THG1L: variants seen among roughly 807,000 people sequenced by gnomAD.
THG1L encodes probable tRNA(His) guanylyltransferase.
THG1L carries 27 observed loss-of-function variants against 35.2 expected under a neutral mutation model. That is an observed-to-expected ratio of 0.77 (90% CI 0.57 to 1.06). The LOEUF is 1.06. Ranked by LOEUF, THG1L falls within the 50% of genes least tolerant of loss-of-function variation. The pLI is 0.00. For missense variants in THG1L, 377 were observed against 371.8 expected, an observed-to-expected ratio of 1.01 and a Z score of -0.12; for synonymous variants, 135 against 132.4, an observed-to-expected ratio of 1.02 and a Z score of -0.14.
At position 157,732,243 on chromosome 5, in the gene THG1L, AAGAG is replaced by A. The variant is rs1289202010; in HGVS notation, c.192-611_192-608del. Among the ~76,000 whole-genome samples, 556 of 90,438 alleles carry A rather than the reference AAGAG, an allele frequency of 6.1e-3. 3 individuals carry two copies. Among genetic ancestry groups the A allele is most frequent in the African/African-American group, 7.5e-3 (162 of 21,724 alleles). 59.3% of individuals were successfully genotyped at this position (90,438 alleles called of 152,430 possible). On this transcript the variant is annotated intron_variant, in intron 1 of 5. Coordinates refer to ENST00000231198, the MANE Select transcript of THG1L (RefSeq NM_017872.5). Reference sequence around the variant, plus strand: ...AAAAAAAAAAAAAAAAAAAAAAAAAAAGAGAGAGAGAGAGAGAAAGAAGGAAGAG... The same window carrying A: ...AAAAAAAAAAAAAAAAAAAAAAAAAAAGAGAGAGAGAGAAAGAAGGAAGAG...
rs1262448811 is a variant in THG1L at position 157,731,633 on chromosome 5, T to C, written c.191+2T>C. 6.3e-7 allele frequency: 1 copy of C among 1,594,492 alleles called. No individual in the cohort carries two copies. Among genetic ancestry groups the C allele is most frequent in the Non-Finnish European group, 8.6e-7 (1 of 1,168,158 alleles). On this transcript the variant is annotated splice_donor_variant, in intron 1 of 5. Transcript: ENST00000231198. LOFTEE classifies it high-confidence loss of function. ...GCTGGACGGCCGGAATTTCCATCGG[T>C]GAGCGAGCTCGACTCGGGGCGTCGC...
At position 157,739,486 on chromosome 5, in the gene THG1L, T is replaced by G. The variant is rs1178357429; in HGVS notation, c.*4T>G. ...GATTCTAGATGAAGACAGCTGACCC[T>G]TTTGCGCTTCAGTTCTGGTGTGCTT... On this transcript the variant is annotated 3_prime_UTR_variant, in exon 6 of 6. Transcript: ENST00000231198. 1.2e-6 allele frequency: 2 copies of G among 1,608,954 alleles called. No individual in the cohort carries two copies. The highest frequency in any genetic ancestry group is 1.7e-6 in the Non-Finnish European group (2 of 1,177,678).
At position 157,739,431 on chromosome 5, in the gene THG1L, C is replaced by T. The variant is rs201232624; in HGVS notation, c.846C>T (p.Ile282=). 87 of 1,613,540 alleles carry T rather than the reference C, an allele frequency of 5.4e-5. No homozygotes were observed. In the East Asian group the frequency reaches 1.4e-3, roughly 25 times the overall value. The change falls in exon 6 of 6, where the codon ATC becomes ATT. Residue 282 remains isoleucine, a synonymous_variant. Transcript: ENST00000231198. ...CAGTGCCCTTGCACTGCGATATCATCGGGGATGCTTTCTGGAAGGAACATC... is the reference window on the plus strand; with the variant it reads ...CAGTGCCCTTGCACTGCGATATCATTGGGGATGCTTTCTGGAAGGAACATC... ...TKPVPLHCDI[I]GDAFWKEHPE...
At position 157,737,994 on chromosome 5, in the gene THG1L, G is replaced by A. The variant is rs760867833; in HGVS notation, c.735G>A (p.Lys245=). The stretch of plus-strand genomic sequence containing the variant: ...AAGGGACTGTGTTGATATGGCAGAA[G>A]GTAATGCTGTTATGTTCAAAGAAAA... The part of the protein sequence containing the change: ...YRKGTVLIWQ[K]VDEVMTKEIK... Residue 245 remains lysine, a splice_region_variant and synonymous_variant, in exon 5 of 6, where the codon AAG becomes AAA. Coordinates refer to ENST00000231198, the MANE Select transcript of THG1L (RefSeq NM_017872.5). The A allele has an allele frequency of 1.2e-6, 2 of 1,606,342 alleles. No individual in the cohort carries two copies. Among genetic ancestry groups the A allele is most frequent in the Non-Finnish European group, 8.5e-7 (1 of 1,174,590 alleles).
In THG1L at chr5:157,731,551, C is replaced by T. The variant is rs1252706980; in HGVS notation, c.111C>T (p.Tyr37=). 6.2e-7 allele frequency: 1 copy of T among 1,612,452 alleles called. No homozygotes were observed. The highest frequency in any genetic ancestry group is 1.1e-5 in the South Asian group (1 of 90,658). ...GATMAKSKFE[Y]VRDFEADDTC... Reference sequence around the variant, plus strand: ...CCATGGCAAAAAGCAAGTTCGAGTACGTGAGGGACTTCGAGGCTGACGACA... The same window carrying T: ...CCATGGCAAAAAGCAAGTTCGAGTATGTGAGGGACTTCGAGGCTGACGACA... The change falls in exon 1 of 6, where the codon TAC becomes TAT. Residue 37 remains tyrosine (Y), a synonymous_variant. Transcript: ENST00000231198.
At chr5:157,738,662 C>T (rs1237196715) in intron 5 of THG1L, 1 of 434,692 alleles carries the variant, frequency 2.3e-6, no homozygotes, top group South Asian at 1.7e-5. Context: ...CCACTGGCAA[C>T]TCCAGCTCTT....
intron 2 of THG1L, 80 bp downstream of exon 2, chr5:157,733,124 A>G (rs1017998684): frequency 1.2e-5 from 18 of 1,524,784 alleles, no homozygotes; most frequent in South Asian, 9.6e-5. Flanking sequence ...TCGCAGACTT[A>G]CAGGCTACAG....
Position 157,732,911 on chromosome 5 carries a change from G to A in THG1L, c.235G>A (p.Ala79Thr), listed in dbSNP as rs763184453. ...CTTTGCAAAACCCAATGACAGCCGT[G>A]CTCTCCAGCTGATGACCAAATGTGC... ...HNFAKPNDSR[A>T]LQLMTKCAQT... Residue 79 changes from alanine to threonine, a missense_variant, in exon 2 of 6, where the codon GCT becomes ACT. Physicochemically the swap from Ala to Thr is moderately conservative, Grantham distance 58. Transcript: ENST00000231198. 1 of 1,614,224 alleles carries A rather than the reference G, an allele frequency of 6.2e-7. No individual in the cohort carries two copies. The highest frequency in any genetic ancestry group is 8.5e-7 in the Non-Finnish European group (1 of 1,180,040).
chr5:157,734,000 C>G (rs751636920), intron 2 of THG1L, among the ~76,000 whole-genome samples: 1 of 152,036 alleles, frequency 6.6e-6, no homozygotes, highest in African/African-American at 2.4e-5. Context: ...TAAAAATACC[C>G]CTTGAATCAT....
rs1217050628 is a variant in THG1L, at chr5:157,734,599, C to T, written c.392C>T (p.Ser131Phe). The change falls in exon 3 of 6, where the codon TCC becomes TTC. Residue 131 changes from serine (S) to phenylalanine (F), a missense_variant. Transcript: ENST00000231198. ...AGTAAGTTCATGACTCACGTGGCCT[C>T]CCAGTTTGCCTCCAGCTATGTGTTT... The part of the protein sequence containing the change: ...RASKFMTHVA[S>F]QFASSYVFYW... 1.2e-6 allele frequency: 2 copies of T among 1,614,144 alleles called. No homozygotes were observed. The highest frequency in any genetic ancestry group is 3.3e-5 in the Admixed American group (2 of 60,018).
At position 157,731,609 on chromosome 5, in the gene THG1L, C is replaced by T. The variant is rs766407640; in HGVS notation, c.169C>T (p.Leu57=). ...CLAHCWVVVR[L]DGRNFHRFAE... is the part of the protein sequence containing the mutation. ...GGCACACTGCTGGGTGGTAGTGCGG[C>T]TGGACGGCCGGAATTTCCATCGGTG... The change falls in exon 1 of 6, where the codon CTG becomes TTG. Residue 57 remains leucine, a synonymous_variant. Transcript: ENST00000231198. 1 of 1,596,884 alleles carries T rather than the reference C, an allele frequency of 6.3e-7. No homozygotes were observed. Among genetic ancestry groups the T allele is most frequent in the Non-Finnish European group, 8.5e-7 (1 of 1,170,286 alleles).
chr5:157,731,570 G>C lies in THG1L; in HGVS notation c.130G>C (p.Asp44His). 1 of 1,611,840 alleles carries C rather than the reference G, an allele frequency of 6.2e-7. No individual in the cohort carries two copies. ...KFEYVRDFEA[D>H]DTCLAHCWVV... ...CGAGTACGTGAGGGACTTCGAGGCT[G>C]ACGACACCTGCCTGGCACACTGCTG... The change falls in exon 1 of 6, where the codon GAC becomes CAC. Residue 44 changes from aspartate (D) to histidine (H), a missense_variant. Transcript: ENST00000231198.
Position 157,734,725 on chromosome 5 carries a change from T to C in THG1L, c.518T>C (p.Leu173Pro). The change falls in exon 3 of 6, where the codon CTC becomes CCC. Residue 173 changes from leucine (L) to proline (P), a missense_variant. By Grantham distance (98) the Leu-to-Pro change is moderately conservative. Transcript: ENST00000231198. ...YPSNQTLKDY[L>P]SWRQADCHIN... ...AGCAACCAGACTTTAAAGGACTACC[T>C]CAGCTGGCGACAAGCAGATTGTGAG... 1.2e-6 allele frequency: 2 copies of C among 1,614,044 alleles called. No individual in the cohort carries two copies. Among genetic ancestry groups the C allele is most frequent in the South Asian group, 1.1e-5 (1 of 91,076 alleles).
rs34744387 is a variant in THG1L at position 157,732,215 on chromosome 5, C to CAAAAAAAA, written c.191+606_191+613dup. On this transcript the variant is annotated intron_variant, in intron 1 of 5. Coordinates refer to ENST00000231198, the MANE Select transcript of THG1L (RefSeq NM_017872.5). ...TGTTGTTTGTGAAACTCCGCCACTA[C>CAAAAAAAA]AAAAAAAAAAAAAAAAAAAAAAAAA... is the stretch of plus-strand genomic sequence containing the variant. Among the ~76,000 whole-genome samples, 62 of 53,884 alleles carry CAAAAAAAA rather than the reference C, an allele frequency of 1.2e-3. 1 individual carries two copies. The highest frequency in any genetic ancestry group is 3.6e-3 in the African/African-American group (39 of 10,818). 35.3% of individuals were successfully genotyped at this position (53,884 alleles called of 152,430 possible). A position where few individuals can be genotyped will look rare whatever the true frequency, so the allele number is the denominator to read the frequency against.
Position 157,731,648 on chromosome 5 carries a change from C to A in THG1L, c.191+17C>A, listed in dbSNP as rs200827471. The A allele has an allele frequency of 3.7e-5, 59 of 1,577,840 alleles. No individual in the cohort carries two copies. Among genetic ancestry groups the A allele is most frequent in the Non-Finnish European group, 5.0e-5 (58 of 1,159,350 alleles). On this transcript the variant is annotated intron_variant, in intron 1 of 5. Coordinates refer to ENST00000231198, the MANE Select transcript of THG1L (RefSeq NM_017872.5). ...TTTCCATCGGTGAGCGAGCTCGACTCGGGGCGTCGCGATGCGCCAGCGCTT... is the reference window on the plus strand; with the variant it reads ...TTTCCATCGGTGAGCGAGCTCGACTAGGGGCGTCGCGATGCGCCAGCGCTT...
chr5:157,737,827 GTAGC>G (rs1760922805), intron 4 of THG1L, 56 bp from the exon 5 acceptor site: 2 of 1,354,860 alleles, frequency 1.5e-6, no homozygotes, highest in Non-Finnish European at 2.1e-6. Context: ...CGAATGGATA[GTAGC>G]ACTAGGGGAG....
At chr5:157,731,706 T>G in intron 1 of THG1L, 75 bp downstream of exon 1, 1 of 1,506,580 alleles carries the variant, frequency 6.6e-7, no homozygotes, top group Non-Finnish European at 8.9e-7. Context: ...TTGCAAGTCC[T>G]CCCGCCCGCT....
chr5:157,739,285 G>C (rs371270991), intron 5 of THG1L, 36 bp from the exon 6 acceptor site: 1 of 1,600,944 alleles, frequency 6.2e-7, no homozygotes, highest in African/African-American at 1.3e-5. Flanking sequence ...ACCCACTCCT[G>C]ACTTAACAAT....
At position 157,734,743 on chromosome 5, in the gene THG1L, A is replaced by T; in HGVS notation, c.536A>T (p.Asp179Val). The change falls in exon 3 of 6, where the codon GAT (aspartate) becomes GTT (valine). Residue 179 changes from aspartate (D) to valine (V), a missense_variant and splice_region_variant. By Grantham distance (152) the Asp-to-Val change is radical (BLOSUM62 -3). Coordinates refer to ENST00000231198, the MANE Select transcript of THG1L (RefSeq NM_017872.5). Reference protein sequence around the residue: ...LKDYLSWRQADCHINNLYNTV... With the variant: ...LKDYLSWRQAVCHINNLYNTV... The stretch of plus-strand genomic sequence containing the variant: ...GACTACCTCAGCTGGCGACAAGCAG[A>T]TTGTGAGTGGCACCAAATAAACACA... 6.2e-7 allele frequency: 1 copy of T among 1,614,182 alleles called. No homozygotes were observed. The highest frequency in any genetic ancestry group is 8.5e-7 in the Non-Finnish European group (1 of 1,180,024).
Sources: allele counts gnomAD v4.1 joint callset (sites outside exome capture counted in the v4.1 genomes callset), GRCh38; gene constraint gnomAD v4.1.1; transcripts MANE v1.5; gene names NCBI Gene and HGNC (gene_info 2026-07-23, HGNC 2026-07-21).